Variants in MACROD2 observed in about 807,000 individuals in gnomAD.
The protein encoded by MACROD2 is ADP-ribose glycohydrolase MACROD2.
MACROD2 carries 36 observed loss-of-function variants against 70.4 expected under a neutral mutation model. That is an observed-to-expected ratio of 0.51 (90% CI 0.39 to 0.68). MACROD2 has a LOEUF of 0.68. MACROD2 is among the 30% of genes least tolerant of loss of function. MACROD2 has a pLI of 0.00. For synonymous variants in MACROD2, 172 were observed against 178.8 expected, an observed-to-expected ratio of 0.96 and a Z score of 0.30; for missense variants, 496 against 538.4, an observed-to-expected ratio of 0.92 and a Z score of 0.78.
intron 3 of MACROD2, among the ~76,000 whole-genome samples, chr20:14,290,271 G>A (rs181707070): frequency 6.6e-6 from 1 of 152,244 alleles, no homozygotes; most frequent in African/African-American, 2.4e-5. Context: ...AACCTAAAAT[G>A]AAAGTTAAAA....
intron 15 of MACROD2, among the ~76,000 whole-genome samples, chr20:16,031,142 G>T (rs2067146028): frequency 6.6e-6 from 1 of 151,950 alleles, no homozygotes; most frequent in Non-Finnish European, 1.5e-5. Flanking sequence ...AATTTTCTTA[G>T]TTTAGAATAT....
chr20:15,477,458 C>A, intron 7 of MACROD2, among the ~76,000 whole-genome samples: 1 of 151,724 alleles, frequency 6.6e-6, no homozygotes, highest in Non-Finnish European at 1.5e-5. Flanking sequence ...TCTTTGGATA[C>A]CTGTTATATT....
chr20:15,689,276 C>G (rs2050268515), intron 8 of MACROD2, among the ~76,000 whole-genome samples: 1 of 151,664 alleles, frequency 6.6e-6, no homozygotes, highest in Non-Finnish European at 1.5e-5. Flanking sequence ...TACAGTCTAG[C>G]CTGGGTGACA....
At chr20:14,057,725 C>T (rs2148653395) in intron 2 of MACROD2, among the ~76,000 whole-genome samples, 1 of 152,248 alleles carries the variant, frequency 6.6e-6, no homozygotes, top group Admixed American at 6.5e-5. Flanking sequence ...CAGTAACATT[C>T]AAAGTAGCAT....
intron 3 of MACROD2, among the ~76,000 whole-genome samples, chr20:14,480,287 A>G (rs2084648373): frequency 1.3e-5 from 2 of 152,238 alleles, no homozygotes; most frequent in African/African-American, 4.8e-5. Context: ...ATTAAATTAT[A>G]ATTTGTATTC....
At chr20:14,769,452 AG>A (rs1384466009) in intron 5 of MACROD2, among the ~76,000 whole-genome samples, 2 of 152,096 alleles carry the variant, frequency 1.3e-5, no homozygotes, top group Non-Finnish European at 2.9e-5. Context: ...TGTTGTTGTG[AG>A]GGGGATGAAT....
chr20:15,242,164 G>A (rs551774291), intron 6 of MACROD2, among the ~76,000 whole-genome samples: 2 of 152,228 alleles, frequency 1.3e-5, no homozygotes, highest in South Asian at 4.1e-4. Flanking sequence ...TCTTGCCATA[G>A]CCACAGTCCA....
chr20:14,523,724 C>A (rs573132639), intron 4 of MACROD2, among the ~76,000 whole-genome samples: 1 of 152,330 alleles, frequency 6.6e-6, no homozygotes, highest in African/African-American at 2.4e-5. Context: ...GTCAGCATAG[C>A]ATCCTCTTCT....
intron 3 of MACROD2, among the ~76,000 whole-genome samples, chr20:14,154,552 A>ATTTTTTTTTTTTTTTTTTTTTTT (rs869299523): frequency 9.4e-6 from 1 of 106,652 alleles, no homozygotes; most frequent in Non-Finnish European, 1.9e-5. Context: ...CGCCCGGCTA[A>ATTTTTTTTTTTTTTTTTTTTTTT]TTTTTTTTTT....
rs560237960 is a variant in MACROD2 at position 15,532,501 on chromosome 20, C to T, written c.645+32654C>T. On this transcript the variant is annotated intron_variant, in intron 8 of 17. Transcript: ENST00000684519. ...GCAAACCAATCAACAAACTTGGCAC[C>T]GTCACTGAGGAAGAGAGAAAAGTGA... Among the ~76,000 whole-genome samples, 31 of 151,976 alleles carry T rather than the reference C, an allele frequency of 2.0e-4. No individual in the cohort carries two copies. The South Asian group carries it at 5.6e-3, about 27-fold the overall frequency.
chr20:14,502,001 CT>C (rs1600309522), intron 4 of MACROD2, among the ~76,000 whole-genome samples: 1 of 152,120 alleles, frequency 6.6e-6, no homozygotes, highest in Non-Finnish European at 1.5e-5. Context: ...AAGGTAAAAT[CT>C]TTTTAAAACT....
At chr20:14,702,975 G>T (rs373207857) in intron 5 of MACROD2, among the ~76,000 whole-genome samples, 1 of 151,652 alleles carries the variant, frequency 6.6e-6, no homozygotes, top group South Asian at 2.1e-4. Context: ...TGATCTGCCC[G>T]CCTTGGTCTC....
chr20:14,085,832 G>A (rs557665951), intron 3 of MACROD2, 104 bp downstream of exon 3: 79 of 591,852 alleles, frequency 1.3e-4, no homozygotes, highest in Admixed American at 2.2e-4. Flanking sequence ...GCTTTTTGAC[G>A]TAGAAATGTC....
chr20:14,075,900 C>T (rs771849792), intron 2 of MACROD2, among the ~76,000 whole-genome samples: 4 of 152,178 alleles, frequency 2.6e-5, no homozygotes, highest in African/African-American at 7.2e-5. Flanking sequence ...TAAAGCTGTT[C>T]GATGTCACCT....
intron 8 of MACROD2, among the ~76,000 whole-genome samples, chr20:15,776,527 C>T (rs1235254308): frequency 3.9e-5 from 6 of 152,092 alleles, no homozygotes; most frequent in Non-Finnish European, 5.9e-5. Context: ...GTCATCTTGA[C>T]GACACTCCAG....
chr20:15,872,195 A>T (rs547893174), intron 9 of MACROD2, among the ~76,000 whole-genome samples: 5 of 152,296 alleles, frequency 3.3e-5, no homozygotes, highest in African/African-American at 1.2e-4. Context: ...TCCTCCAATC[A>T]TATGGTATAT....
At chr20:14,204,372 T>C (rs1048721550) in intron 3 of MACROD2, among the ~76,000 whole-genome samples, 1 of 152,160 alleles carries the variant, frequency 6.6e-6, no homozygotes, top group South Asian at 2.1e-4. Flanking sequence ...ATGTCAGCAG[T>C]GCTCCAGAGA....
At chr20:15,114,346 A>G (rs1207948236) in intron 5 of MACROD2, among the ~76,000 whole-genome samples, 2 of 152,210 alleles carry the variant, frequency 1.3e-5, no homozygotes, top group Non-Finnish European at 2.9e-5. Context: ...TGATTAGGTT[A>G]TGTTGCATAA....
chr20:14,605,354 A>G (rs1364143812), intron 4 of MACROD2, among the ~76,000 whole-genome samples: 5 of 151,632 alleles, frequency 3.3e-5, no homozygotes, highest in African/African-American at 9.7e-5. Flanking sequence ...TGTTCTCCCT[A>G]TACTGTAACA....
Sources: gnomAD v4.1 joint callset for allele counts (sites outside exome capture counted in the v4.1 genomes callset) on GRCh38, gnomAD v4.1.1 for gene constraint, MANE v1.5 for transcripts, NCBI Gene and HGNC (gene_info 2026-07-23, HGNC 2026-07-21) for gene names.